CTNNA2: variants seen among roughly 807,000 people sequenced by gnomAD.
CTNNA2 encodes the protein catenin alpha-2.
A neutral mutation model predicts 101.0 loss-of-function variants in CTNNA2; 42 were observed. The ratio of observed to expected loss-of-function variants is 0.42; its 90% CI spans 0.32 to 0.54. CTNNA2 has a LOEUF of 0.54. Among genes scored for constraint, CTNNA2 ranks in the 20% least tolerant of loss-of-function variants. CTNNA2 has a pLI of 0.14. For missense variants in CTNNA2, 871 were observed against 1,223.1 expected (o/e 0.71, Z 4.29); for synonymous variants, 450 against 456.4 (o/e 0.99, Z 0.18).
intron 9 of CTNNA2, among the ~76,000 whole-genome samples, chr2:80,501,713 G>T (rs1687896749): frequency 6.6e-6 from 1 of 152,142 alleles, no homozygotes; most frequent in Non-Finnish European, 1.5e-5. Flanking sequence ...AGCAAAATTG[G>T]ATATGCGGGG....
chr2:80,092,473 C>T (rs1699849286), intron 7 of CTNNA2, among the ~76,000 whole-genome samples: 1 of 152,066 alleles, frequency 6.6e-6, no homozygotes, highest in African/African-American at 2.4e-5. Context: ...GTTTAAGAAT[C>T]TGGGTGGATT....
At chr2:80,142,847 C>G (rs1213499676) in intron 7 of CTNNA2, among the ~76,000 whole-genome samples, 1 of 151,734 alleles carries the variant, frequency 6.6e-6, no homozygotes, top group East Asian at 1.9e-4. Flanking sequence ...CTTGGACAAC[C>G]TTGTATGGAG....
At chr2:80,361,610 G>A (rs1365964972) in intron 7 of CTNNA2, among the ~76,000 whole-genome samples, 1 of 152,106 alleles carries the variant, frequency 6.6e-6, no homozygotes. Context: ...TAAAAATCAT[G>A]ACATGACACG....
intron 7 of CTNNA2, among the ~76,000 whole-genome samples, chr2:80,085,536 T>G (rs750241490): frequency 6.6e-6 from 1 of 152,122 alleles, no homozygotes; most frequent in Non-Finnish European, 1.5e-5. Flanking sequence ...CACAGTTATG[T>G]ATGCACACCT....
intron 3 of CTNNA2, among the ~76,000 whole-genome samples, chr2:79,788,947 T>G (rs769370519): frequency 1.3e-5 from 2 of 152,214 alleles, no homozygotes; most frequent in Non-Finnish European, 2.9e-5. Flanking sequence ...CTCAAAGAGT[T>G]TAATGTCTAA....
chr2:79,252,559 CA>C (rs777467782), intron 2 of CTNNA2, among the ~76,000 whole-genome samples: 7 of 151,964 alleles, frequency 4.6e-5, no homozygotes, highest in African/African-American at 9.7e-5. Context: ...GCCAATTTCC[CA>C]GGACCATTTC....
chr2:80,119,159 G>C (rs1008104696), intron 7 of CTNNA2, among the ~76,000 whole-genome samples: 1 of 152,152 alleles, frequency 6.6e-6, no homozygotes, highest in Non-Finnish European at 1.5e-5. Context: ...CTTTAGGTTT[G>C]GCTTGTCATG....
chr2:79,463,187 G>A (rs1025821714), intron 4 of CTNNA2, among the ~76,000 whole-genome samples: 3 of 152,130 alleles, frequency 2.0e-5, no homozygotes, highest in Non-Finnish European at 4.4e-5. Context: ...CGAGGCAGGA[G>A]GATCACCTGA....
At chr2:79,840,142 AC>A (rs1324228371) in intron 3 of CTNNA2, among the ~76,000 whole-genome samples, 1 of 152,246 alleles carries the variant, frequency 6.6e-6, no homozygotes, top group African/African-American at 2.4e-5. Flanking sequence ...TATGAATGAA[AC>A]CATGCAATTT....
chr2:79,820,487 A>G (rs116231125), intron 3 of CTNNA2, among the ~76,000 whole-genome samples: 1,945 of 152,280 alleles, frequency 0.013, 48 homozygotes, highest in African/African-American at 0.044. Context: ...TATCTTCGGA[A>G]TGTCTTTCGA....
chr2:80,619,365 T>G, intron 18 of CTNNA2, 137 bp downstream of exon 18: 1 of 931,850 alleles, frequency 1.1e-6, no homozygotes, highest in East Asian at 3.0e-5. Context: ...GGCAAAGGAC[T>G]TATTTATTCT....
At chr2:79,774,383 C>T (rs765717405) in intron 3 of CTNNA2, among the ~76,000 whole-genome samples, 4 of 152,164 alleles carry the variant, frequency 2.6e-5, no homozygotes, top group Non-Finnish European at 4.4e-5. Flanking sequence ...AGAGAATACC[C>T]GCCATGCCTC....
In CTNNA2 at chr2:80,591,457, G is replaced by GTTTTTTTTTTTTTT. The variant is rs567131551; in HGVS notation, c.2189+1980_2189+1993dup. Among the ~76,000 whole-genome samples, 133 of 70,300 alleles carry GTTTTTTTTTTTTTT rather than the reference G, an allele frequency of 1.9e-3. 25 individuals carry two copies. The highest frequency in any genetic ancestry group is 4.1e-3 in the East Asian group (8 of 1,932). The allele number at this position is 70,300 out of a possible 152,430, so 46.1% of individuals were successfully genotyped here. A position where few individuals can be genotyped will look rare whatever the true frequency, so the allele number is the denominator to read the frequency against. On this transcript the variant is annotated intron_variant, in intron 15 of 18. Coordinates refer to ENST00000402739, the MANE Select transcript of CTNNA2 (RefSeq NM_001282597.3). ...ATTGCTGCCTCCATCTGCACAGCCTGTTTTTTTTTTTTTTTTTTTTTGCAA... is the reference window on the plus strand; with the variant it reads ...ATTGCTGCCTCCATCTGCACAGCCTGTTTTTTTTTTTTTTTTTTTTTTTTTTTTTTTTTTTGCAA...
intron 7 of CTNNA2, among the ~76,000 whole-genome samples, chr2:79,961,223 T>G (rs993600931): frequency 2.6e-5 from 4 of 152,196 alleles, no homozygotes; most frequent in African/African-American, 9.6e-5. Flanking sequence ...CAGACTAGAA[T>G]TTTTTGGGCC....
intron 7 of CTNNA2, among the ~76,000 whole-genome samples, chr2:80,091,495 G>A (rs897662189): frequency 4.6e-5 from 7 of 152,102 alleles, no homozygotes; most frequent in African/African-American, 1.7e-4. Flanking sequence ...AAAACGATTA[G>A]AGAATTCTGA....
chr2:80,506,649 G>A (rs893043986), intron 9 of CTNNA2, among the ~76,000 whole-genome samples: 2 of 152,176 alleles, frequency 1.3e-5, no homozygotes, highest in African/African-American at 4.8e-5. Flanking sequence ...TATCTTAAAT[G>A]CTGTGTGGAG....
At chr2:80,074,259 C>A (rs1278473338) in intron 7 of CTNNA2, among the ~76,000 whole-genome samples, 1 of 152,144 alleles carries the variant, frequency 6.6e-6, no homozygotes, top group Non-Finnish European at 1.5e-5. Flanking sequence ...CACACTCCAT[C>A]ATATTGGGTC....
At chr2:80,402,433 A>G (rs1678641000) in intron 8 of CTNNA2, among the ~76,000 whole-genome samples, 1 of 152,074 alleles carries the variant, frequency 6.6e-6, no homozygotes, top group African/African-American at 2.4e-5. Context: ...CTCACCTTCT[A>G]ATCACATGGT....
chr2:79,444,401 T>C (rs1190106162), intron 4 of CTNNA2, among the ~76,000 whole-genome samples: 3 of 152,134 alleles, frequency 2.0e-5, no homozygotes, highest in Non-Finnish European at 4.4e-5. Context: ...TATTAATTTG[T>C]CCAATTCAAG....
Sources: gnomAD v4.1 joint callset for allele counts (sites outside exome capture counted in the v4.1 genomes callset) on GRCh38, gnomAD v4.1.1 for gene constraint, MANE v1.5 for transcripts, NCBI Gene and HGNC (gene_info 2026-07-23, HGNC 2026-07-21) for gene names.